Variants in SLC22A24 observed in about 807,000 individuals in gnomAD.
SLC22A24 encodes the protein steroid transmembrane transporter SLC22A24.
Under a neutral mutation model 49.8 loss-of-function variants are expected in SLC22A24, and 53 were observed. The ratio of observed to expected loss-of-function variants is 1.06; its 90% confidence interval spans 0.85 to 1.34. SLC22A24 has a LOEUF of 1.34. Ranked by LOEUF, SLC22A24 falls within the 40% of genes most tolerant of loss-of-function variation. The pLI, the probability that SLC22A24 is intolerant of heterozygous loss-of-function variation, is 0.00. For missense variants in SLC22A24, 786 were observed against 675.9 expected, an observed-to-expected ratio of 1.16 and a Z score of -1.81; for synonymous variants, 302 against 256.4, an observed-to-expected ratio of 1.18 and a Z score of -1.70.
intron 2 of SLC22A24, among the ~76,000 whole-genome samples, chr11:63,132,541 T>A (rs7952201): frequency 6.6e-6 from 1 of 151,864 alleles, no homozygotes; most frequent in Non-Finnish European, 1.5e-5. Context: ...AGTCAGGTCC[T>A]TCAGCTGCAG....
rs529248104 is a variant in SLC22A24 at position 63,102,722 on chromosome 11, T to C, written c.954+1453A>G. Among the ~76,000 whole-genome samples, 3 of 152,248 alleles carry C rather than the reference T, an allele frequency of 2.0e-5. No homozygotes were observed. The East Asian group carries it at 5.8e-4, about 29-fold the overall frequency. The stretch of plus-strand genomic sequence containing the variant: ...CATGAGAGGGAAGAAAACTCATAAA[T>C]TGTATCCAAAAGGGAAGAGATTGTA... On this transcript the variant is annotated intron_variant, in intron 5 of 9. Coordinates refer to ENST00000612278, the MANE Select transcript of SLC22A24 (RefSeq NM_001136506.2).
intron 6 of SLC22A24, among the ~76,000 whole-genome samples, chr11:63,091,637 A>G (rs2087020980): frequency 6.6e-6 from 1 of 152,196 alleles, no homozygotes; most frequent in Admixed American, 6.5e-5. Flanking sequence ...CATCACATAA[A>G]CAGAACCAAT....
At chr11:63,131,851 C>T (rs1457034366) in intron 2 of SLC22A24, among the ~76,000 whole-genome samples, 1 of 152,202 alleles carries the variant, frequency 6.6e-6, no homozygotes, top group Non-Finnish European at 1.5e-5. Flanking sequence ...GGAAGCTCTC[C>T]TGGATAACAT....
intron 2 of SLC22A24, among the ~76,000 whole-genome samples, chr11:63,121,874 G>A (rs947137323): frequency 3.9e-5 from 6 of 151,996 alleles, no homozygotes; most frequent in African/African-American, 1.5e-4. Flanking sequence ...CCACCTATGA[G>A]TGAGAACATG....
At chr11:63,104,333 AT>A in intron 4 of SLC22A24, 35 bp from the exon 5 acceptor site, 2 of 1,521,398 alleles carry the variant, frequency 1.3e-6, no homozygotes, top group Non-Finnish European at 1.8e-6. Context: ...ATAGTAAACA[AT>A]TACTTATTTG....
rs2087302223 is a variant in SLC22A24 at position 63,127,751 on chromosome 11, A to G, written c.506+6914T>C. Reference sequence around the variant, plus strand: ...CTAGTGATGATGAACATTTTTTCATATGTCTGTTTTCTGCATAAATGTCTT... The same window carrying G: ...CTAGTGATGATGAACATTTTTTCATGTGTCTGTTTTCTGCATAAATGTCTT... On this transcript the variant is annotated intron_variant, in intron 2 of 9. Transcript: ENST00000612278. Among the ~76,000 whole-genome samples, 6 of 151,992 alleles carry G rather than the reference A, an allele frequency of 3.9e-5. No individual in the cohort carries two copies. In the South Asian group the frequency reaches 1.2e-3, roughly 32 times the overall value.
chr11:63,114,681 C>T (rs1398146771), intron 4 of SLC22A24, among the ~76,000 whole-genome samples: 4 of 152,212 alleles, frequency 2.6e-5, no homozygotes, highest in Non-Finnish European at 5.9e-5. Flanking sequence ...GTTTTCTCCC[C>T]ATCTTTGTGG....
rs543096410 is a variant in SLC22A24 at position 63,112,406 on chromosome 11, G to C, written c.830+6506C>G. On this transcript the variant is annotated intron_variant, in intron 4 of 9. Transcript: ENST00000612278. Reference sequence around the variant, plus strand: ...CTGAGTTCAATTCCTGGGTATCCTTGTTAACTTTCTGTCTCGTTGATCTGT... The same window carrying C: ...CTGAGTTCAATTCCTGGGTATCCTTCTTAACTTTCTGTCTCGTTGATCTGT... 7.2e-5 allele frequency among the ~76,000 whole-genome samples: 11 copies of C among 152,232 alleles called. No individual in the cohort carries two copies. In the South Asian group the frequency reaches 1.2e-3, roughly 17 times the overall value.
At chr11:63,081,700 C>A (rs977091329) in intron 7 of SLC22A24, 34 bp from the exon 8 acceptor site, 2 of 1,437,258 alleles carry the variant, frequency 1.4e-6, no homozygotes, top group South Asian at 1.2e-5. Flanking sequence ...GAAATCTTGC[C>A]TGAAGAAACT....
At chr11:63,135,005 A>G (rs138342070) in intron 1 of SLC22A24, among the ~76,000 whole-genome samples, 35 of 152,252 alleles carry the variant, frequency 2.3e-4, no homozygotes, top group African/African-American at 7.9e-4. Flanking sequence ...CTTCCAAAAT[A>G]TATATCCACA....
intron 5 of SLC22A24, among the ~76,000 whole-genome samples, chr11:63,098,573 G>GA (rs2134647018): frequency 6.6e-6 from 1 of 152,136 alleles, no homozygotes; most frequent in East Asian, 1.9e-4. Flanking sequence ...TGAGGGAGGA[G>GA]AATCACTTGA....
chr11:63,090,080 CAAAAAAAAAA>C (rs60285946), intron 6 of SLC22A24, among the ~76,000 whole-genome samples: 33 of 64,690 alleles, frequency 5.1e-4, no homozygotes, highest in African/African-American at 2.2e-3. Flanking sequence ...GACTCTGTCT[CAAAAAAAAAA>C]AAAAAAAAAA....
At chr11:63,135,338 T>C (rs2087366112) in intron 1 of SLC22A24, among the ~76,000 whole-genome samples, 1 of 152,220 alleles carries the variant, frequency 6.6e-6, no homozygotes. Context: ...GCCCAGAGGT[T>C]CTGATTTACT....
intron 2 of SLC22A24, among the ~76,000 whole-genome samples, chr11:63,131,198 A>G (rs1457387708): frequency 3.3e-5 from 5 of 152,132 alleles, no homozygotes; most frequent in Admixed American, 2.0e-4. Context: ...TCCTGAGTAT[A>G]GCACACCGAT....
chr11:63,123,993 G>T (rs186521492), intron 2 of SLC22A24, among the ~76,000 whole-genome samples: 6 of 152,106 alleles, frequency 3.9e-5, no homozygotes, highest in East Asian at 1.9e-4. Flanking sequence ...TTGGGTGAAG[G>T]CACCACCAGA....
At chr11:63,122,151 C>T (rs1342363330) in intron 2 of SLC22A24, among the ~76,000 whole-genome samples, 1 of 151,930 alleles carries the variant, frequency 6.6e-6, no homozygotes, top group African/African-American at 2.4e-5. Context: ...TTTTTAAAGG[C>T]CTATTGGAAG....
intron 6 of SLC22A24, among the ~76,000 whole-genome samples, chr11:63,095,769 G>T (rs79393026): frequency 0.013 from 1,935 of 152,280 alleles, 41 homozygotes; most frequent in African/African-American, 0.045. Flanking sequence ...CTTTGTGCTG[G>T]AATATGATGC....
intron 5 of SLC22A24, among the ~76,000 whole-genome samples, chr11:63,100,202 T>A (rs1229075752): frequency 6.6e-6 from 1 of 152,126 alleles, no homozygotes; most frequent in Non-Finnish European, 1.5e-5. Flanking sequence ...AACTATGAGC[T>A]GATAAACAAA....
intron 4 of SLC22A24, among the ~76,000 whole-genome samples, chr11:63,107,429 C>T (rs1215777971): frequency 1.3e-5 from 2 of 151,958 alleles, no homozygotes; most frequent in African/African-American, 2.4e-5. Flanking sequence ...TTTTTTGGTT[C>T]CAGATGAAGT....
Sources: gnomAD v4.1 joint callset for allele counts (sites outside exome capture counted in the v4.1 genomes callset) on GRCh38, gnomAD v4.1.1 for gene constraint, MANE v1.5 for transcripts, NCBI Gene and HGNC (gene_info 2026-07-23, HGNC 2026-07-21) for gene names.